The following WFDC5 variants were observed in gnomAD, a reference collection of about 807,000 sequenced individuals.
The protein encoded by WFDC5 is WAP four-disulfide core domain 5.
Under a neutral mutation model 15.7 loss-of-function variants are expected in WFDC5, and 15 were observed. The ratio of observed to expected loss-of-function variants is 0.96; its 90% CI spans 0.64 to 1.47. The LOEUF (loss-of-function observed/expected upper bound fraction) is 1.47. WFDC5 is among the 40% of genes most tolerant of loss of function. The pLI, the probability that WFDC5 is intolerant of heterozygous loss-of-function variation, is 0.00. For missense variants in WFDC5, 280 were observed against 258.0 expected (o/e 1.09, Z -0.59); for synonymous variants, 109 against 107.7 (o/e 1.01, Z -0.07).
chr20:45,115,167 G>A, upstream of WFDC5: 1 of 1,328,654 alleles, frequency 7.5e-7, no homozygotes, highest in African/African-American at 1.4e-5. Flanking sequence ...AGTCAGGAGA[G>A]GAAAGAGAGG....
chr20:45,110,703 C>T (rs1981591753), exon 2 of WFDC5: 1 of 1,614,196 alleles, frequency 6.2e-7, no homozygotes, highest in Non-Finnish European at 8.5e-7. Flanking sequence ...GGGACACTGG[C>T]TGTCTTCCAC....
chr20:45,114,893 GCA>G, intron 1 of WFDC5, 104 bp downstream of exon 1: 1 of 1,119,524 alleles, frequency 8.9e-7, no homozygotes, highest in Non-Finnish European at 1.3e-6. Flanking sequence ...ACACACACGC[GCA>G]CACACACCCC....
chr20:45,110,475 T>C lies in WFDC5; in HGVS notation c.292A>G (p.Lys98Glu), dbSNP rs1432601405. ...TTTTTGCCCGAGCAGTCTGAGTCCT[T>C]GTGACACAGGTGGTTCATGGGGCTG... Residue 98 changes from lysine (K) to glutamate (E), a missense_variant, in exon 3 of 4, where the codon AAG (lysine) becomes GAG (glutamate). By Grantham distance (56) the Lys-to-Glu change is moderately conservative. Coordinates refer to ENST00000307971, the Ensembl canonical transcript of WFDC5. 7.4e-6 allele frequency: 12 copies of C among 1,614,020 alleles called. No individual in the cohort carries two copies. The highest frequency in any genetic ancestry group is 9.3e-6 in the Non-Finnish European group (11 of 1,180,020).
intron 1 of WFDC5, 80 bp downstream of exon 1, chr20:45,114,919 T>C (rs1362245666): frequency 6.6e-7 from 1 of 1,503,878 alleles, no homozygotes; most frequent in Non-Finnish European, 9.1e-7. Context: ...GGGCATTACC[T>C]GCCTTCCCCC....
chr20:45,109,513 A>G (rs923586618), exon 4 of WFDC5: 61 of 526,036 alleles, frequency 1.2e-4, no homozygotes, highest in Non-Finnish European at 1.9e-4. Flanking sequence ...CATTTAAAGA[A>G]AACATTAAGT....
At chr20:45,110,804 T>A in intron 1 of WFDC5, 29 bp from the exon 2 acceptor site, 2 of 1,612,440 alleles carry the variant, frequency 1.2e-6, no homozygotes, top group Non-Finnish European at 1.7e-6. Context: ...ATATTGCAGC[T>A]GGAGGAAGCT....
At chr20:45,112,282 C>T (rs957265070) in intron 1 of WFDC5, among the ~76,000 whole-genome samples, 2 of 152,120 alleles carry the variant, frequency 1.3e-5, no homozygotes, top group African/African-American at 4.8e-5. Context: ...AACGGAGCTG[C>T]GTGCACTCAA....
At chr20:45,115,127 C>A in exon 1 of WFDC5, 1 of 1,582,152 alleles carries the variant, frequency 6.3e-7, no homozygotes, top group Non-Finnish European at 8.6e-7. Context: ...CAGATTAACA[C>A]CTGCAGCCTC....
chr20:45,115,478 G>A (rs946401584), upstream of WFDC5, among the ~76,000 whole-genome samples: 5 of 152,188 alleles, frequency 3.3e-5, no homozygotes, highest in African/African-American at 4.8e-5. Context: ...GCGGGTAGAG[G>A]TCAGCTTTGA....
exon 1 of WFDC5, chr20:45,115,112 C>A (rs757644975): frequency 6.2e-6 from 10 of 1,603,048 alleles, no homozygotes; most frequent in East Asian, 2.2e-5. Context: ...GGGCCCAGGG[C>A]CCCCCAGATT....
intron 3 of WFDC5, 80 bp from the exon 4 acceptor site, chr20:45,110,093 C>T: frequency 4.5e-6 from 7 of 1,553,848 alleles, no homozygotes; most frequent in Non-Finnish European, 5.2e-6. Flanking sequence ...ATCCATGCCC[C>T]ACCAGCTCAG....
intron 1 of WFDC5, among the ~76,000 whole-genome samples, chr20:45,112,092 TAA>T (rs1981636384): frequency 6.6e-6 from 1 of 151,982 alleles, no homozygotes. Context: ...CGGGTTGGTT[TAA>T]ATTAAATTGC....
intron 1 of WFDC5, among the ~76,000 whole-genome samples, chr20:45,112,046 A>C (rs1370912483): frequency 6.6e-6 from 1 of 152,148 alleles, no homozygotes; most frequent in Non-Finnish European, 1.5e-5. Context: ...CCTTGCTCAC[A>C]TCCTACGTGC....
intron 1 of WFDC5, among the ~76,000 whole-genome samples, chr20:45,113,237 C>T (rs910538735): frequency 6.6e-6 from 1 of 152,016 alleles, no homozygotes; most frequent in Admixed American, 6.6e-5. Flanking sequence ...CTCTTATAAA[C>T]AGAGGCGGCT....
At chr20:45,114,456 C>A (rs143885259) in intron 1 of WFDC5, among the ~76,000 whole-genome samples, 1 of 152,108 alleles carries the variant, frequency 6.6e-6, no homozygotes, top group Admixed American at 6.5e-5. Context: ...AAGCCACACC[C>A]TCTCCTCAAT....
At position 45,112,368 on chromosome 20, in the gene WFDC5, C is replaced by CAGAT. The variant is rs943209386; in HGVS notation, c.86-1597_86-1594dup. 4.1e-4 allele frequency among the ~76,000 whole-genome samples: 62 copies of CAGAT among 152,226 alleles called. 1 individual carries two copies. Among genetic ancestry groups the CAGAT allele is most frequent in the African/African-American group, 1.5e-3 (62 of 41,530 alleles). On this transcript the variant is annotated intron_variant, in intron 1 of 3. Coordinates refer to ENST00000307971, the Ensembl canonical transcript of WFDC5. ...CCTGGGGCTGGCCTTGGGGAATGGA[C>CAGAT]AGATAGGGATGGGGCATGACAGCTG...
At chr20:45,109,773 C>T in exon 4 of WFDC5, 1 of 721,642 alleles carries the variant, frequency 1.4e-6, no homozygotes, top group South Asian at 1.5e-5. Context: ...GTGCAGAGTA[C>T]TGGGGTGATA....
chr20:45,110,365 G>A (rs1981575639), intron 3 of WFDC5, 35 bp downstream of exon 3: 1 of 1,570,830 alleles, frequency 6.4e-7, no homozygotes, highest in Non-Finnish European at 8.6e-7. Context: ...GCTCGGAGAG[G>A]GGAGGCACCT....
intron 3 of WFDC5, 128 bp from the exon 4 acceptor site, chr20:45,110,141 T>C: frequency 7.2e-7 from 1 of 1,380,464 alleles, no homozygotes; most frequent in Non-Finnish European, 9.7e-7. Context: ...TCTGCCCCCT[T>C]CAAAAGGGCA....
Sources: gnomAD v4.1 joint callset for allele counts (sites outside exome capture counted in the v4.1 genomes callset) on GRCh38, gnomAD v4.1.1 for gene constraint, MANE v1.5 for transcripts, NCBI Gene and HGNC (gene_info 2026-07-23, HGNC 2026-07-21) for gene names.